Variants in DPP10 observed in about 807,000 individuals in gnomAD.
DPP10 encodes the protein dipeptidyl peptidase like 10.
Under a neutral mutation model 120.9 loss-of-function variants are expected in DPP10, and 33 were observed. The ratio of observed to expected loss-of-function variants is 0.27; its 90% CI spans 0.21 to 0.37. The LOEUF (loss-of-function observed/expected upper bound fraction) is 0.37. Ranked by LOEUF, DPP10 falls within the 10% of genes least tolerant of loss-of-function variation. The pLI is 1.00. For missense variants in DPP10, 816 were observed against 942.8 expected, an observed-to-expected ratio of 0.87 and a Z score of 1.76; for synonymous variants, 337 against 326.1, an observed-to-expected ratio of 1.03 and a Z score of -0.36.
At chr2:115,172,241 G>A (rs920983891) in intron 1 of DPP10, among the ~76,000 whole-genome samples, 20 of 152,122 alleles carry the variant, frequency 1.3e-4, no homozygotes, top group Non-Finnish European at 1.9e-4. Flanking sequence ...CTTCTCCCCC[G>A]GGCGTGGTGG....
At chr2:115,278,359 A>T (rs1481413939) in intron 1 of DPP10, among the ~76,000 whole-genome samples, 1 of 152,084 alleles carries the variant, frequency 6.6e-6, no homozygotes, top group East Asian at 1.9e-4. Context: ...TCATTTCTGG[A>T]ATAGTTACTG....
intron 1 of DPP10, among the ~76,000 whole-genome samples, chr2:115,034,144 C>T (rs889257367): frequency 8.5e-5 from 13 of 152,110 alleles, no homozygotes; most frequent in African/African-American, 2.9e-4. Context: ...ATCTGCCTGC[C>T]TCAGCCTCCC....
intron 1 of DPP10, among the ~76,000 whole-genome samples, chr2:115,170,415 T>A (rs1326307984): frequency 1.3e-5 from 2 of 152,130 alleles, no homozygotes; most frequent in African/African-American, 4.8e-5. Context: ...TAAAAATATA[T>A]CTTTTTGAGA....
chr2:115,836,089 G>T (rs1689463765), intron 21 of DPP10, 68 bp from the exon 22 acceptor site: 4 of 754,610 alleles, frequency 5.3e-6, no homozygotes, highest in Admixed American at 5.6e-5. Context: ...ATATAAATTT[G>T]TGTGTGTGTA....
At chr2:114,516,748 G>C (rs1008439377) in intron 1 of DPP10, among the ~76,000 whole-genome samples, 1 of 152,182 alleles carries the variant, frequency 6.6e-6, no homozygotes, top group Admixed American at 6.5e-5. Flanking sequence ...AAACTCAAAA[G>C]AGAGTATTTC....
intron 1 of DPP10, among the ~76,000 whole-genome samples, chr2:114,674,374 T>A (rs1698538095): frequency 6.6e-6 from 1 of 152,134 alleles, no homozygotes; most frequent in African/African-American, 2.4e-5. Flanking sequence ...CATCTAACCA[T>A]TCCTAATATT....
intron 1 of DPP10, among the ~76,000 whole-genome samples, chr2:114,876,395 C>T (rs560103595): frequency 1.3e-5 from 2 of 152,128 alleles, no homozygotes; most frequent in Admixed American, 6.6e-5. Context: ...CTGCAGCTTC[C>T]CTCTAATCAT....
At chr2:114,933,087 TA>T (rs200362441) in intron 1 of DPP10, among the ~76,000 whole-genome samples, 6 of 152,032 alleles carry the variant, frequency 3.9e-5, no homozygotes, top group East Asian at 1.9e-4. Context: ...CCTCTTTTTT[TA>T]AAAAAAACTT....
At chr2:115,253,361 C>A (rs1187226634) in intron 1 of DPP10, among the ~76,000 whole-genome samples, 3 of 152,306 alleles carry the variant, frequency 2.0e-5, no homozygotes, top group Non-Finnish European at 4.4e-5. Context: ...CCTACAATCT[C>A]ATTTCCTTCT....
At chr2:115,648,926 A>G (rs2087515538) in intron 5 of DPP10, among the ~76,000 whole-genome samples, 2 of 152,052 alleles carry the variant, frequency 1.3e-5, no homozygotes, top group Non-Finnish European at 2.9e-5. Flanking sequence ...GAGTAGGGAC[A>G]CCAACCCAGT....
Position 115,791,323 on chromosome 2 carries a change from T to A in DPP10, c.1667T>A (p.Met556Lys). 6.2e-7 allele frequency: 1 copy of A among 1,611,950 alleles called. No homozygotes were observed. The highest frequency in any genetic ancestry group is 8.5e-7 in the Non-Finnish European group (1 of 1,179,346). ...CAGTTGTCCCTTCCCAAAGATTTTA[T>A]GGACCGAAACCAGTATGCTCTTCTG... ...PLQLSLPKDF[M>K]DRNQYALLLI... The change falls in exon 19 of 26, where the codon ATG becomes AAG. Residue 556 changes from methionine (M) to lysine (K), a missense_variant. By Grantham distance (95) the Met-to-Lys change is moderately conservative. Transcript: ENST00000410059.
intron 11 of DPP10, among the ~76,000 whole-genome samples, chr2:115,755,406 A>T (rs566412628): frequency 6.6e-6 from 1 of 152,196 alleles, no homozygotes; most frequent in East Asian, 1.9e-4. Flanking sequence ...ATCAGAACAG[A>T]TATTAGGGAA....
At chr2:115,675,735 T>C (rs906590798) in intron 5 of DPP10, among the ~76,000 whole-genome samples, 2 of 152,154 alleles carry the variant, frequency 1.3e-5, no homozygotes, top group Non-Finnish European at 2.9e-5. Context: ...GTTCATAGGA[T>C]TTTATTATCC....
chr2:114,780,317 C>G (rs1040944134), intron 1 of DPP10, among the ~76,000 whole-genome samples: 6 of 152,048 alleles, frequency 3.9e-5, no homozygotes, highest in Admixed American at 3.9e-4. Context: ...AAACAAGTGA[C>G]AAATTATCAT....
At chr2:115,163,914 C>G (rs1268176043) in intron 1 of DPP10, among the ~76,000 whole-genome samples, 1 of 152,124 alleles carries the variant, frequency 6.6e-6, no homozygotes, top group East Asian at 1.9e-4. Context: ...CAACAAATCC[C>G]CTTGTCAGGA....
chr2:115,357,194 A>G (rs2064448705), intron 3 of DPP10, among the ~76,000 whole-genome samples: 1 of 152,196 alleles, frequency 6.6e-6, no homozygotes, highest in South Asian at 2.1e-4. Flanking sequence ...CTAATAGCCT[A>G]ATGGATAATG....
At chr2:114,764,404 T>C (rs568069348) in intron 1 of DPP10, among the ~76,000 whole-genome samples, 1 of 151,474 alleles carries the variant, frequency 6.6e-6, no homozygotes, top group Non-Finnish European at 1.5e-5. Flanking sequence ...GATTTATCCA[T>C]ACAATTAAAA....
rs556485416 is a variant in DPP10 at position 115,771,522 on chromosome 2, C to T, written c.1221+3118C>T. On this transcript the variant is annotated intron_variant, in intron 13 of 25. Coordinates refer to ENST00000410059, the MANE Select transcript of DPP10 (RefSeq NM_020868.6). ...TATATTTCTAGATGTTAAAAGATAC[C>T]CAGGCAGGGTATATCCATACGAATG... Among the ~76,000 whole-genome samples the T allele has an allele frequency of 9.2e-5, 14 of 152,142 alleles. No homozygotes were observed. The East Asian group carries it at 2.7e-3, about 29-fold the overall frequency.
intron 19 of DPP10, among the ~76,000 whole-genome samples, chr2:115,808,060 A>G (rs1686215382): frequency 6.6e-6 from 1 of 152,244 alleles, no homozygotes; most frequent in Non-Finnish European, 1.5e-5. Flanking sequence ...AACTATGAAG[A>G]AGCTCGTAAG....
Sources: allele counts gnomAD v4.1 joint callset (sites outside exome capture counted in the v4.1 genomes callset), GRCh38; gene constraint gnomAD v4.1.1; transcripts MANE v1.5; gene names NCBI Gene and HGNC (gene_info 2026-07-23, HGNC 2026-07-21).